COL12A1: variants seen among roughly 807,000 people sequenced by gnomAD.
COL12A1 encodes collagen type XII alpha 1 chain.
In COL12A1, 114 loss-of-function variants were observed where a neutral mutation model predicts 349.7. The ratio of observed to expected loss-of-function variants is 0.33; its 90% CI spans 0.28 to 0.38. The LOEUF (loss-of-function observed/expected upper bound fraction) is 0.38. Ranked by LOEUF, COL12A1 falls within the 10% of genes least tolerant of loss-of-function variation. COL12A1 has a pLI of 1.00. For missense variants in COL12A1, 3,284 were observed against 3,756.9 expected, an observed-to-expected ratio of 0.87 and a Z score of 3.29; for synonymous variants, 1,369 against 1,329.0, an observed-to-expected ratio of 1.03 and a Z score of -0.66.
At chr6:75,174,649 T>C (rs1768821551) in intron 13 of COL12A1, among the ~76,000 whole-genome samples, 1 of 152,220 alleles carries the variant, frequency 6.6e-6, no homozygotes, top group African/African-American at 2.4e-5. Flanking sequence ...AAATGGCTCT[T>C]ATCTGGATCT....
rs1767493487 is a variant in COL12A1 at position 75,086,484 on chromosome 6, A to G, written c.*63T>C. 1 of 1,514,862 alleles carries G rather than the reference A, an allele frequency of 6.6e-7. No individual in the cohort carries two copies. The highest frequency in any genetic ancestry group is 9.0e-7 in the Non-Finnish European group (1 of 1,106,264). 93.8% of individuals were successfully genotyped at this position (1,514,862 alleles called of 1,614,324 possible). On this transcript the variant is annotated 3_prime_UTR_variant, in exon 66 of 66. Coordinates refer to ENST00000322507, the MANE Select transcript of COL12A1 (RefSeq NM_004370.6). ...TTTCCTAATAAGCACGTGCGCAAAC[A>G]TCTCAGAAACAGGATTTTCATGTAT... is the stretch of plus-strand genomic sequence containing the variant.
rs2026443 is a variant in COL12A1, at chr6:75,122,842, G to A, written c.6946+488C>T. Among the ~76,000 whole-genome samples the A allele has an allele frequency of 6.9e-3, 1,058 of 152,276 alleles. 37 individuals carry two copies. The highest frequency in any genetic ancestry group is 0.059 in the Admixed American group (909 of 15,292). ...ATCAACCTTAATAAATCAGTATGTCGTTTCACCAGTTCACTGCAAGTTACA... is the reference window on the plus strand; with the variant it reads ...ATCAACCTTAATAAATCAGTATGTCATTTCACCAGTTCACTGCAAGTTACA... On this transcript the variant is annotated intron_variant, in intron 43 of 65. Coordinates refer to ENST00000322507, the MANE Select transcript of COL12A1 (RefSeq NM_004370.6).
chr6:75,175,484 C>T (rs1011998646), intron 12 of COL12A1, among the ~76,000 whole-genome samples, 174 bp from the exon 13 acceptor site: 1 of 152,142 alleles, frequency 6.6e-6, no homozygotes, highest in Non-Finnish European at 1.5e-5. Flanking sequence ...TGAATCAGAC[C>T]CTATATGTTA....
At chr6:75,196,649 T>C (rs953225623) in intron 2 of COL12A1, among the ~76,000 whole-genome samples, 5 of 152,210 alleles carry the variant, frequency 3.3e-5, no homozygotes, top group Non-Finnish European at 5.9e-5. Context: ...CAGTATAACA[T>C]GCATGCAACA....
intron 2 of COL12A1, among the ~76,000 whole-genome samples, chr6:75,198,864 T>C (rs1050951737): frequency 1.3e-5 from 2 of 152,206 alleles, no homozygotes; most frequent in Non-Finnish European, 2.9e-5. Flanking sequence ...TAGTTTGATA[T>C]CTGTGATAAC....
intron 13 of COL12A1, among the ~76,000 whole-genome samples, chr6:75,169,036 A>T (rs1447033825): frequency 1.3e-5 from 2 of 152,184 alleles, no homozygotes; most frequent in African/African-American, 4.8e-5. Flanking sequence ...CCATGGACAC[A>T]TGTGGGATGT....
At chr6:75,155,907 G>A in intron 15 of COL12A1, 53 bp from the exon 16 acceptor site, 23 of 1,519,730 alleles carry the variant, frequency 1.5e-5, no homozygotes, top group Non-Finnish European at 2.0e-5. Context: ...AGGCTTTGGG[G>A]TTTCTTTTTT....
chr6:75,116,216 A>G (rs1051574852), intron 47 of COL12A1, among the ~76,000 whole-genome samples, 159 bp from the exon 48 acceptor site: 1 of 152,164 alleles, frequency 6.6e-6, no homozygotes, highest in African/African-American at 2.4e-5. Context: ...TTTCTTGTAC[A>G]TTTCCTACGT....
intron 56 of COL12A1, 52 bp downstream of exon 56, chr6:75,102,545 A>C: frequency 1.5e-6 from 2 of 1,346,406 alleles, no homozygotes; most frequent in Admixed American, 5.5e-5. Flanking sequence ...GATTCATTTA[A>C]CTAAATGTTT....
At chr6:75,187,533 A>G (rs1769692517) in intron 8 of COL12A1, among the ~76,000 whole-genome samples, 1 of 152,154 alleles carries the variant, frequency 6.6e-6, no homozygotes, top group Non-Finnish European at 1.5e-5. Context: ...AATACAAAGC[A>G]AAAAGGTTAG....
chr6:75,166,968 C>T (rs137876388), intron 13 of COL12A1, among the ~76,000 whole-genome samples: 2 of 152,220 alleles, frequency 1.3e-5, no homozygotes, highest in African/African-American at 2.4e-5. Context: ...AAAATTCTAA[C>T]TCCATTATAA....
intron 13 of COL12A1, among the ~76,000 whole-genome samples, chr6:75,170,912 C>T (rs571264958): frequency 2.1e-4 from 32 of 152,280 alleles, no homozygotes; most frequent in African/African-American, 7.2e-4. Context: ...ATATCCAGGA[C>T]ATTAGCAGGT....
intron 2 of COL12A1, 150 bp from the exon 3 acceptor site, chr6:75,195,097 G>C: frequency 1.9e-6 from 1 of 524,378 alleles, no homozygotes; most frequent in Non-Finnish European, 3.3e-6. Context: ...TGTTGGATAA[G>C]AATAAAACTA....
In COL12A1 at chr6:75,188,519, A is replaced by G; in HGVS notation, c.840T>C (p.Asp280=). The G allele has an allele frequency of 6.2e-7, 1 of 1,612,808 alleles. No individual in the cohort carries two copies. The highest frequency in any genetic ancestry group is 8.5e-7 in the Non-Finnish European group (1 of 1,179,456). Residue 280 remains aspartate (D), a synonymous_variant, in exon 8 of 66, where the codon GAT becomes GAC. Transcript: ENST00000322507. The stretch of plus-strand genomic sequence containing the variant: ...AGGCAATTTGTTTGAGTTCTTTTGC[A>G]TCTGCAGCTTTAATGCCTTCAAAAC... ...EVFSLGIKAA[D]AKELKQIAST...
At chr6:75,151,335 T>A in intron 20 of COL12A1, 48 bp from the exon 21 acceptor site, 1 of 1,558,180 alleles carries the variant, frequency 6.4e-7, no homozygotes, top group Non-Finnish European at 8.8e-7. Flanking sequence ...CAGAAAAAAA[T>A]TAATGGAATG....
chr6:75,164,873 C>T (rs964867261), intron 14 of COL12A1, among the ~76,000 whole-genome samples: 3 of 151,578 alleles, frequency 2.0e-5, no homozygotes, highest in African/African-American at 4.8e-5. Context: ...TGAGGTAAAT[C>T]TGAGCCATCA....
rs1769741398 is a variant in COL12A1 at position 75,188,346 on chromosome 6, T to C, written c.997+16A>G. ...GAAAAGACTAACACATGGGGAATGC[T>C]ACACAGTCTACTCACCTTCTTCTCC... On this transcript the variant is annotated intron_variant, in intron 8 of 65. Coordinates refer to ENST00000322507, the MANE Select transcript of COL12A1 (RefSeq NM_004370.6). 6.2e-7 allele frequency: 1 copy of C among 1,608,490 alleles called. No homozygotes were observed. The highest frequency in any genetic ancestry group is 1.1e-5 in the South Asian group (1 of 89,936).
chr6:75,093,440 A>G (rs1767864342), intron 60 of COL12A1, among the ~76,000 whole-genome samples: 1 of 152,208 alleles, frequency 6.6e-6, no homozygotes, highest in African/African-American at 2.4e-5. Context: ...GCTAAGACCT[A>G]TATATACCTA....
intron 53 of COL12A1, among the ~76,000 whole-genome samples, chr6:75,105,960 G>T (rs577303795): frequency 1.3e-5 from 2 of 152,202 alleles, no homozygotes; most frequent in African/African-American, 4.8e-5. Flanking sequence ...CTGGCCAAAA[G>T]CTTCAAATCC....
Sources: allele counts gnomAD v4.1 joint callset (sites outside exome capture counted in the v4.1 genomes callset), GRCh38; gene constraint gnomAD v4.1.1; transcripts MANE v1.5; gene names NCBI Gene and HGNC (gene_info 2026-07-23, HGNC 2026-07-21).